The following RNF144B variants were observed in gnomAD, a reference collection of about 807,000 sequenced individuals.
RNF144B encodes the protein ring finger protein 144B.
A neutral mutation model predicts 40.2 loss-of-function variants in RNF144B; 25 were observed. The observed-to-expected ratio is 0.62, with a 90% CI of 0.45 to 0.87. RNF144B has a LOEUF of 0.87. Ranked by LOEUF, RNF144B falls within the 40% of genes least tolerant of loss-of-function variation. RNF144B has a pLI of 0.00. For synonymous variants in RNF144B, 145 were observed against 136.3 expected (o/e 1.06, Z -0.44); for missense variants, 365 against 373.7 (o/e 0.98, Z 0.19).
Position 18,442,217 on chromosome 6 carries a change from G to A in RNF144B, c.331+2473G>A, listed in dbSNP as rs762474465. ...TAACTGGCTTATTCTTTCATTAGACGTGATAATATATTCAGTCTAGCTACA... is the reference window on the plus strand; with the variant it reads ...TAACTGGCTTATTCTTTCATTAGACATGATAATATATTCAGTCTAGCTACA... On this transcript the variant is annotated intron_variant, in intron 4 of 7. Coordinates refer to ENST00000259939, the MANE Select transcript of RNF144B (RefSeq NM_182757.4). The surrounding 1 kb of genome is among the most constrained non-coding windows in gnomAD (Gnocchi z 4.3). Among the ~76,000 whole-genome samples the A allele has an allele frequency of 3.3e-5, 5 of 152,184 alleles. No individual in the cohort carries two copies. Among genetic ancestry groups the A allele is most frequent in the East Asian group, 3.8e-4 (2 of 5,196 alleles).
intron 4 of RNF144B, among the ~76,000 whole-genome samples, chr6:18,453,624 G>A (rs967184287): frequency 1.5e-4 from 23 of 152,164 alleles, no homozygotes; most frequent in African/African-American, 5.5e-4. Flanking sequence ...TTACAAAGGT[G>A]TATCAATTTT....
In RNF144B at chr6:18,464,576, G is replaced by T. The variant is rs1759534385; in HGVS notation, c.772-351G>T. Among the ~76,000 whole-genome samples, 1 of 152,174 alleles carries T rather than the reference G, an allele frequency of 6.6e-6. No homozygotes were observed. Among genetic ancestry groups the T allele is most frequent in the Non-Finnish European group, 1.5e-5 (1 of 68,024 alleles). Reference sequence around the variant, plus strand: ...AGTTCTGGAGGCTGAGAAGTCTGAGGTTCAGGTGACAGCATGGTCATATCT... The same window carrying T: ...AGTTCTGGAGGCTGAGAAGTCTGAGTTTCAGGTGACAGCATGGTCATATCT... On this transcript the variant is annotated intron_variant, in intron 7 of 7. Coordinates refer to ENST00000259939, the MANE Select transcript of RNF144B (RefSeq NM_182757.4). The surrounding 1 kb of genome is among the most constrained non-coding windows in gnomAD (Gnocchi z 6.1).
intron 3 of RNF144B, among the ~76,000 whole-genome samples, chr6:18,433,819 A>G (rs1758751182): frequency 6.6e-6 from 1 of 152,186 alleles, no homozygotes; most frequent in Non-Finnish European, 1.5e-5. Context: ...TGAATGGGTG[A>G]ATGTGCTGTT....
chr6:18,426,505 C>G (rs866615809), intron 2 of RNF144B, among the ~76,000 whole-genome samples: 1 of 152,142 alleles, frequency 6.6e-6, no homozygotes, highest in African/African-American at 2.4e-5. Context: ...CTATCAGTCC[C>G]TCTCTTAACT....
Position 18,451,888 on chromosome 6 carries a change from G to A in RNF144B, c.332-5267G>A, listed in dbSNP as rs140735070. Among the ~76,000 whole-genome samples, 546 of 152,298 alleles carry A rather than the reference G, an allele frequency of 3.6e-3. 3 individuals carry two copies. Among genetic ancestry groups the A allele is most frequent in the African/African-American group, 0.011 (465 of 41,554 alleles). ...TTGTAAGTGATACTTCATAAAGGAG[G>A]TTTAATGTTTAAGTGCTATATGGAA... On this transcript the variant is annotated intron_variant, in intron 4 of 7. Transcript: ENST00000259939.
intron 4 of RNF144B, among the ~76,000 whole-genome samples, chr6:18,453,223 C>T (rs1293436141): frequency 6.7e-6 from 1 of 149,116 alleles, no homozygotes; most frequent in African/African-American, 2.5e-5. Flanking sequence ...ACTGCAACCT[C>T]CGCCTCCCAG....
Position 18,459,700 on chromosome 6 carries a change from G to A in RNF144B, c.630G>A (p.Met210Ile), listed in dbSNP as rs758883927. 4 of 1,614,144 alleles carry A rather than the reference G, an allele frequency of 2.5e-6. No individual in the cohort carries two copies. In the East Asian group the frequency reaches 6.7e-5, roughly 27 times the overall value. ...GCAATGAAGGCTGCGCTCAGATGAT[G>A]TGCAAAAACTGCAAGCATACATTTT... ...IERNEGCAQM[M>I]CKNCKHTFCW... The change falls in exon 6 of 8, where the codon ATG (methionine) becomes ATA (isoleucine). Residue 210 changes from methionine (M) to isoleucine (I), a missense_variant. Transcript: ENST00000259939. The surrounding 1 kb of genome is among the most constrained non-coding windows in gnomAD (Gnocchi z 4.2).
At position 18,446,029 on chromosome 6, in the gene RNF144B, A is replaced by C. The variant is rs78339391; in HGVS notation, c.331+6285A>C. The stretch of plus-strand genomic sequence containing the variant: ...CCTTATAGGTCATTAGTGTGAGAAG[A>C]GAATGAGAAGAACAGCTCTTCATGT... On this transcript the variant is annotated intron_variant, in intron 4 of 7. Coordinates refer to ENST00000259939, the MANE Select transcript of RNF144B (RefSeq NM_182757.4). The surrounding 1 kb of genome is among the most constrained non-coding windows in gnomAD (Gnocchi z 4.7). Among the ~76,000 whole-genome samples, 4,657 of 152,314 alleles carry C rather than the reference A, an allele frequency of 0.031. 156 individuals are homozygous for C. The highest frequency in any genetic ancestry group is 0.16 in the South Asian group (788 of 4,820).
chr6:18,413,333 T>C (rs2088150697), intron 2 of RNF144B, among the ~76,000 whole-genome samples: 1 of 152,228 alleles, frequency 6.6e-6, no homozygotes, highest in Admixed American at 6.5e-5. Flanking sequence ...TGATTTTATA[T>C]ACGTAAAAGT....
intron 4 of RNF144B, among the ~76,000 whole-genome samples, chr6:18,452,448 A>G (rs1255716293): frequency 6.6e-6 from 1 of 152,214 alleles, no homozygotes; most frequent in Non-Finnish European, 1.5e-5. Context: ...GAGGAAAAGC[A>G]TAGGATGAGA....
At chr6:18,426,726 A>T (rs1758563935) in intron 2 of RNF144B, among the ~76,000 whole-genome samples, 2 of 128,002 alleles carry the variant, frequency 1.6e-5, no homozygotes. Context: ...TTTTCTATTC[A>T]ATTTCTTCTC....
In RNF144B at chr6:18,422,899, A is replaced by G. The variant is rs972366290; in HGVS notation, c.166-4682A>G. 1.3e-5 allele frequency among the ~76,000 whole-genome samples: 2 copies of G among 151,566 alleles called. No homozygotes were observed. Among genetic ancestry groups the G allele is most frequent in the Non-Finnish European group, 2.9e-5 (2 of 67,848 alleles). On this transcript the variant is annotated intron_variant, in intron 2 of 7. Coordinates refer to ENST00000259939, the MANE Select transcript of RNF144B (RefSeq NM_182757.4). The surrounding 1 kb of genome is among the most constrained non-coding windows in gnomAD (Gnocchi z 4.7). ...TGAACCCAGGAGTTTGAGGTTTGCA[A>G]TGAGCCATAATTGTGCCACTGCACC...
At chr6:18,432,728 C>T (rs930398039) in intron 3 of RNF144B, among the ~76,000 whole-genome samples, 1 of 152,226 alleles carries the variant, frequency 6.6e-6, no homozygotes, top group African/African-American at 2.4e-5. Context: ...TGAATAGTAC[C>T]TGCCATTACA....
At chr6:18,453,137 C>CTTTTTTT (rs33972716) in intron 4 of RNF144B, among the ~76,000 whole-genome samples, 3 of 103,376 alleles carry the variant, frequency 2.9e-5, no homozygotes, top group Admixed American at 1.2e-4. Flanking sequence ...TTTCTGTCTG[C>CTTTTTTT]TTTTTTTTTT....
Position 18,440,164 on chromosome 6 carries a change from A to C in RNF144B, c.331+420A>C, listed in dbSNP as rs181973757. Among the ~76,000 whole-genome samples the C allele has an allele frequency of 3.9e-5, 6 of 152,282 alleles. No individual in the cohort carries two copies. In the East Asian group the frequency reaches 1.2e-3, roughly 29 times the overall value. On this transcript the variant is annotated intron_variant, in intron 4 of 7. Transcript: ENST00000259939. ...AATACATAACACCTGTTTTTTTGATACTACTTTTGTAATCATGGTAATAAC... is the reference window on the plus strand; with the variant it reads ...AATACATAACACCTGTTTTTTTGATCCTACTTTTGTAATCATGGTAATAAC...
At chr6:18,388,982 AAAAC>A (rs1415095073) in intron 1 of RNF144B, among the ~76,000 whole-genome samples, 4 of 152,136 alleles carry the variant, frequency 2.6e-5, no homozygotes, top group Non-Finnish European at 4.4e-5. Flanking sequence ...CTTTTTATTT[AAAAC>A]AAACAAAACT....
chr6:18,404,655 G>C (rs1057070612), intron 2 of RNF144B, among the ~76,000 whole-genome samples: 1 of 152,148 alleles, frequency 6.6e-6, no homozygotes, highest in African/African-American at 2.4e-5. Flanking sequence ...TTTGTTCAAA[G>C]TGTGGCTTTG....
chr6:18,463,763 A>G (rs1020987784), intron 7 of RNF144B, among the ~76,000 whole-genome samples: 28 of 152,188 alleles, frequency 1.8e-4, no homozygotes, highest in African/African-American at 6.5e-4. Flanking sequence ...CATACCTGAG[A>G]CTAGGTTAGT....
In RNF144B at chr6:18,458,812, A is replaced by G. The variant is rs1562060176; in HGVS notation, c.537-795A>G. 6.6e-6 allele frequency among the ~76,000 whole-genome samples: 1 copy of G among 152,220 alleles called. No homozygotes were observed. The highest frequency in any genetic ancestry group is 1.5e-5 in the Non-Finnish European group (1 of 68,050). On this transcript the variant is annotated intron_variant, in intron 5 of 7. Coordinates refer to ENST00000259939, the MANE Select transcript of RNF144B (RefSeq NM_182757.4). This position sits in a 1 kb window ranked among gnomAD's most constrained non-coding sequence, Gnocchi z 4.8. ...ATTTTCATGATATGTTTATTGGTTA[A>G]GCATCCTTACTCTGAATACCAGGAG...
Sources: gnomAD v4.1 joint callset for allele counts (sites outside exome capture counted in the v4.1 genomes callset) on GRCh38, gnomAD v4.1.1 for gene constraint, Gnocchi (gnomAD v3.1) non-coding constraint, MANE v1.5 for transcripts, NCBI Gene and HGNC (gene_info 2026-07-23, HGNC 2026-07-21) for gene names.